The following SUSD2 variants were observed in gnomAD, a reference collection of about 807,000 sequenced individuals.
SUSD2 encodes sushi domain-containing protein 2.
In SUSD2, 86 loss-of-function variants were observed where a neutral mutation model predicts 93.8. That is an observed-to-expected ratio of 0.92 (90% CI 0.77 to 1.10). The LOEUF (loss-of-function observed/expected upper bound fraction) is 1.10, where lower values mean the gene tolerates loss of function less well. Among genes scored for constraint, SUSD2 ranks in the 50% least tolerant of loss-of-function variants. The probability of loss-of-function intolerance (pLI) is 0.00; values close to 1 mark genes in which losing one functional copy is unlikely to be tolerated. For synonymous variants in SUSD2, 483 were observed against 485.0 expected (o/e 1.00, Z 0.05); for missense variants, 1,060 against 1,137.0 (o/e 0.93, Z 0.97).
Position 24,187,199 on chromosome 22 carries a change from C to G in SUSD2, c.1643-3C>G, listed in dbSNP as rs908249719. On this transcript the variant is annotated splice_polypyrimidine_tract_variant and splice_region_variant and intron_variant, in intron 10 of 14. Transcript: ENST00000358321. The stretch of plus-strand genomic sequence containing the variant: ...GACCCTAATGCATCCCCCTTGAGCC[C>G]AGGAATGTTCCTGTCGGTGGCTGCC... 6.2e-7 allele frequency: 1 copy of G among 1,611,738 alleles called. No individual in the cohort carries two copies. The highest frequency in any genetic ancestry group is 8.5e-7 in the Non-Finnish European group (1 of 1,179,862).
At chr22:24,184,634 C>T in intron 4 of SUSD2, 132 bp from the exon 5 acceptor site, 1 of 730,006 alleles carries the variant, frequency 1.4e-6, no homozygotes, top group South Asian at 1.9e-5. Flanking sequence ...GCCGGGGTCC[C>T]TGCTAGAACA....
chr22:24,188,277 G>C lies in SUSD2; in HGVS notation c.2394G>C (p.Val798=), dbSNP rs201152759. The part of the protein sequence containing the change: ...LGIIFGGLAV[V]AAVALVYVLL... ...TCATCTTTGGGGGCCTCGCGGTGGTGGCGGCGGTTGCGCTCGTCTATGTGC... is the reference window on the plus strand; with the variant it reads ...TCATCTTTGGGGGCCTCGCGGTGGTCGCGGCGGTTGCGCTCGTCTATGTGC... Residue 798 remains valine, a synonymous_variant, in exon 14 of 15, where the codon GTG becomes GTC. Coordinates refer to ENST00000358321, the MANE Select transcript of SUSD2 (RefSeq NM_019601.4). This position sits in a 1 kb window ranked among gnomAD's most constrained non-coding sequence, Gnocchi z 4.7. 3.9e-5 allele frequency: 62 copies of C among 1,604,702 alleles called. No homozygotes were observed. The highest frequency in any genetic ancestry group is 5.0e-5 in the Non-Finnish European group (59 of 1,175,392).
At chr22:24,187,009 TGG>T (rs1485814227) in intron 10 of SUSD2, 191 bp from the exon 11 acceptor site, 5 of 667,100 alleles carry the variant, frequency 7.5e-6, no homozygotes, top group Non-Finnish European at 1.0e-5. Context: ...CAGGTGCCGC[TGG>T]GAGTTCCACC....
chr22:24,187,818 G>C lies in SUSD2; in HGVS notation c.2139G>C (p.Gln713His), dbSNP rs114261714. ...TATRVAHQLH[Q>H]RRMQSLQPVV... ...CTCGGGTGGCCCACCAGCTGCACCA[G>C]CGTCGCATGCAGAGCCTGCAGCCAG... Residue 713 changes from glutamine to histidine, a missense_variant, in exon 12 of 15, where the codon CAG becomes CAC. Around this residue, in one of 2 missense-constraint regions of SUSD2, gnomAD observed 973 missense variants for 1,005.3 expected, o/e 0.97. Coordinates refer to ENST00000358321, the MANE Select transcript of SUSD2 (RefSeq NM_019601.4). 1 of 1,612,844 alleles carries C rather than the reference G, an allele frequency of 6.2e-7. No homozygotes were observed. The highest frequency in any genetic ancestry group is 2.2e-5 in the East Asian group (1 of 44,882).
Position 24,187,249 on chromosome 22 carries a change from G to GCAT in SUSD2, c.1693_1695dup (p.Ser565dup). On this transcript the variant is annotated inframe_insertion, in exon 11 of 15. Transcript: ENST00000358321. ...CGGGGACAGGGTCTCCATCATGCTG[G>GCAT]CATCAGGGGCCGGCCTGGAGGTCAG... 1 of 1,613,942 alleles carries GCAT rather than the reference G, an allele frequency of 6.2e-7. No individual in the cohort carries two copies. Among genetic ancestry groups the GCAT allele is most frequent in the Non-Finnish European group, 8.5e-7 (1 of 1,180,000 alleles).
chr22:24,185,622 C>T (rs774649322), intron 7 of SUSD2, 39 bp from the exon 8 acceptor site: 15 of 1,607,500 alleles, frequency 9.3e-6, no homozygotes, highest in African/African-American at 6.7e-5. Flanking sequence ...GGGGTGGGCT[C>T]CCAACAGTGG....
In SUSD2 at chr22:24,188,186, C is replaced by A. The variant is rs776624038; in HGVS notation, c.2342-39C>A. On this transcript the variant is annotated intron_variant, in intron 13 of 14. Transcript: ENST00000358321. This position sits in a 1 kb window ranked among gnomAD's most constrained non-coding sequence, Gnocchi z 4.7. ...GCCTGCACCTGTCCCCACTCACCACCCCAGAGAGCCCCCTCACTGACACTC... is the reference window on the plus strand; with the variant it reads ...GCCTGCACCTGTCCCCACTCACCACACCAGAGAGCCCCCTCACTGACACTC... 16 of 1,591,902 alleles carry A rather than the reference C, an allele frequency of 1.0e-5. No individual in the cohort carries two copies. In the South Asian group the frequency reaches 1.8e-4, roughly 18 times the overall value.
chr22:24,183,161 T>C lies in SUSD2; in HGVS notation c.181T>C (p.Phe61Leu). Reference protein sequence around the residue: ...LGTCCLDFRDFCLEILPYSGS... With the variant: ...LGTCCLDFRDLCLEILPYSGS... Reference sequence around the variant, plus strand: ...CACCTGCTGCTTGGATTTCCGGGACTTCTGCCTGGAGATATTGCCCTACTC... The same window carrying C: ...CACCTGCTGCTTGGATTTCCGGGACCTCTGCCTGGAGATATTGCCCTACTC... The change falls in exon 2 of 15, where the codon TTC becomes CTC. Residue 61 changes from phenylalanine to leucine, a missense_variant. Transcript: ENST00000358321. 1 of 1,614,040 alleles carries C rather than the reference T, an allele frequency of 6.2e-7. No homozygotes were observed. The highest frequency in any genetic ancestry group is 2.2e-5 in the East Asian group (1 of 44,890).
intron 11 of SUSD2, 60 bp from the exon 12 acceptor site, chr22:24,187,511 G>A: frequency 6.2e-7 from 1 of 1,604,364 alleles, no homozygotes; most frequent in East Asian, 2.2e-5. Flanking sequence ...CATGGCACGG[G>A]CAGGGCTTGG....
Position 24,184,321 on chromosome 22 carries a change from C to T in SUSD2, c.607+18C>T. On this transcript the variant is annotated intron_variant, in intron 4 of 14. Coordinates refer to ENST00000358321, the MANE Select transcript of SUSD2 (RefSeq NM_019601.4). ...GGAGACAGGTGAGGCCAGCTGAGGG[C>T]TGGGGTGGCATCAGAGCTTTGGGCC... The T allele has an allele frequency of 6.2e-7, 1 of 1,610,824 alleles. No homozygotes were observed. The highest frequency in any genetic ancestry group is 8.5e-7 in the Non-Finnish European group (1 of 1,178,408).
At chr22:24,186,456 C>T (rs748683756) in intron 10 of SUSD2, 41 bp downstream of exon 10, 4 of 1,602,210 alleles carry the variant, frequency 2.5e-6, no homozygotes, top group African/African-American at 1.3e-5. Flanking sequence ...CTGCCCTCAC[C>T]TCCTCCCCAT....
chr22:24,182,877 A>C (rs1478063808), intron 1 of SUSD2, 180 bp from the exon 2 acceptor site: 1 of 602,946 alleles, frequency 1.7e-6, no homozygotes. Flanking sequence ...GATTCATCCC[A>C]TCCCCACGGG....
intron 3 of SUSD2, 133 bp from the exon 4 acceptor site, chr22:24,184,003 G>A (rs543690839): frequency 1.2e-4 from 106 of 880,402 alleles, no homozygotes; most frequent in African/African-American, 9.3e-4. Context: ...TCTGCTGTGC[G>A]GGCCAGAGAG....
Position 24,187,670 on chromosome 22 carries a change from T to G in SUSD2, c.1991T>G (p.Leu664Arg). 6.2e-7 allele frequency: 1 copy of G among 1,613,998 alleles called. No individual in the cohort carries two copies. The highest frequency in any genetic ancestry group is 8.5e-7 in the Non-Finnish European group (1 of 1,180,010). ...AAGCACGACCCCACCTTCGAGCCCC[T>G]CTTCCCCAGTGAGACCACCCTCAAC... ...QPKHDPTFEP[L>R]FPSETTLNPS... Residue 664 changes from leucine to arginine, a missense_variant, in exon 12 of 15, where the codon CTC becomes CGC. Around this residue, in one of 2 missense-constraint regions of SUSD2, gnomAD observed 973 missense variants for 1,005.3 expected, o/e 0.97. Coordinates refer to ENST00000358321, the MANE Select transcript of SUSD2 (RefSeq NM_019601.4).
Position 24,185,574 on chromosome 22 carries a change from G to T in SUSD2, c.1070+3G>T, listed in dbSNP as rs754722477. 4.4e-6 allele frequency: 7 copies of T among 1,593,060 alleles called. No individual in the cohort carries two copies. Among genetic ancestry groups the T allele is most frequent in the Non-Finnish European group, 6.0e-6 (7 of 1,170,300 alleles). ...TGTGTGCGTTCTGTGCAGGCCAGGTGAGCCCCCAGGCTGGGGCCGGTATGG... is the reference window on the plus strand; with the variant it reads ...TGTGTGCGTTCTGTGCAGGCCAGGTTAGCCCCCAGGCTGGGGCCGGTATGG... On this transcript the variant is annotated splice_donor_region_variant and intron_variant, in intron 7 of 14. Transcript: ENST00000358321.
In SUSD2 at chr22:24,188,306, T is replaced by C; in HGVS notation, c.2423T>C (p.Leu808Pro). 6.2e-7 allele frequency: 1 copy of C among 1,606,180 alleles called. No individual in the cohort carries two copies. Among genetic ancestry groups the C allele is most frequent in the Non-Finnish European group, 8.5e-7 (1 of 1,176,824 alleles). ...VAAVALVYVL[L>P]RRRKGNTHVW... ...GCGGTTGCGCTCGTCTATGTGCTGC[T>C]GCGCCGCAGGAAGGGCAACACGTGA... The change falls in exon 14 of 15, where the codon CTG becomes CCG. Residue 808 changes from leucine (L) to proline (P), a missense_variant. Physicochemically the swap from Leu to Pro is moderately conservative, Grantham distance 98. Coordinates refer to ENST00000358321, the MANE Select transcript of SUSD2 (RefSeq NM_019601.4). This position sits in a 1 kb window ranked among gnomAD's most constrained non-coding sequence, Gnocchi z 4.7.
intron 3 of SUSD2, 80 bp from the exon 4 acceptor site, chr22:24,184,056 C>T: frequency 1.4e-6 from 2 of 1,432,480 alleles, no homozygotes; most frequent in Non-Finnish European, 1.9e-6. Flanking sequence ...TGGAGGCTCC[C>T]ACAGCCCTTG....
In SUSD2 at chr22:24,185,112, G is replaced by T; in HGVS notation, c.801G>T (p.Trp267Cys). ...YAGQKDVQALWTNDHALAWHL... is the reference protein window; with the variant it reads ...YAGQKDVQALCTNDHALAWHL... Reference sequence around the variant, plus strand: ...TCCACAGGGACGTGCAGGCGCTCTGGACCAACGACCACGCACTGGCCTGGC... The same window carrying T: ...TCCACAGGGACGTGCAGGCGCTCTGTACCAACGACCACGCACTGGCCTGGC... Residue 267 changes from tryptophan (W) to cysteine (C), a missense_variant, in exon 6 of 15, where the codon TGG becomes TGT. Around this residue, in one of 2 missense-constraint regions of SUSD2, gnomAD observed 973 missense variants for 1,005.3 expected, o/e 0.97. Transcript: ENST00000358321. 6.2e-7 allele frequency: 1 copy of T among 1,612,968 alleles called. No individual in the cohort carries two copies. The highest frequency in any genetic ancestry group is 1.1e-5 in the South Asian group (1 of 91,054).
Position 24,188,011 on chromosome 22 carries a change from C to G in SUSD2, c.2217C>G (p.Asn739Lys), listed in dbSNP as rs776635787. The G allele has an allele frequency of 1.2e-6, 2 of 1,613,044 alleles. No individual in the cohort carries two copies. The highest frequency in any genetic ancestry group is 1.7e-6 in the Non-Finnish European group (2 of 1,180,002). The change falls in exon 13 of 15, where the codon AAC becomes AAG. Residue 739 changes from asparagine to lysine, a missense_variant. Transcript: ENST00000358321. The surrounding 1 kb of genome is among the most constrained non-coding windows in gnomAD (Gnocchi z 4.7). ...APPPNGQKEG[N>K]RYLAGSTIYF... is the part of the protein sequence containing the mutation. ...CTCCCAACGGACAAAAGGAGGGCAA[C>G]AGGTACCTGGCGGGTTCCACCATCT...
Sources: allele counts gnomAD v4.1 joint callset, GRCh38; gene constraint gnomAD v4.1.1; regional missense constraint gnomAD v4.1.1; non-coding constraint Gnocchi (gnomAD v3.1); transcripts MANE v1.5; gene names NCBI Gene and HGNC (gene_info 2026-07-23, HGNC 2026-07-21).